The following C2orf92 variants were observed in gnomAD, a reference collection of about 807,000 sequenced individuals.
The protein encoded by C2orf92 is uncharacterized protein C2orf92.
chr2:97,679,565 G>C (rs1675692587), intron 3 of C2orf92, among the ~76,000 whole-genome samples: 1 of 152,120 alleles, frequency 6.6e-6, no homozygotes, highest in Admixed American at 6.6e-5. Flanking sequence ...GTCGAAGCCA[G>C]GCAGGGTGGC....
intron 3 of C2orf92, among the ~76,000 whole-genome samples, chr2:97,682,862 G>A (rs542599057): frequency 2.0e-5 from 3 of 151,888 alleles, no homozygotes; most frequent in Non-Finnish European, 2.9e-5. Flanking sequence ...GGATGATATC[G>A]TGCTCAATGT....
At chr2:97,667,259 CT>C (rs1675262562), upstream of C2orf92, among the ~76,000 whole-genome samples, 2 of 126,722 alleles carry the variant, frequency 1.6e-5, no homozygotes, top group Admixed American at 1.7e-4. Flanking sequence ...ACCTTCAGGT[CT>C]CTTTTTTATT....
chr2:97,667,684 G>A (rs1203243336), upstream of C2orf92, among the ~76,000 whole-genome samples: 1 of 151,908 alleles, frequency 6.6e-6, no homozygotes, highest in Non-Finnish European at 1.5e-5. Context: ...TGCCTGCCTC[G>A]GCCTCCCAAA....
At chr2:97,700,331 G>A (rs72815648) in intron 6 of C2orf92, among the ~76,000 whole-genome samples, 1,820 of 152,288 alleles carry the variant, frequency 0.012, 26 homozygotes, top group Non-Finnish European at 0.017. Flanking sequence ...GGCAGATTGT[G>A]TATGCAGTAC....
chr2:97,666,233 T>C (rs1343674154), upstream of C2orf92, among the ~76,000 whole-genome samples: 1 of 151,210 alleles, frequency 6.6e-6, no homozygotes, highest in Non-Finnish European at 1.5e-5. Flanking sequence ...GAATGTGCCT[T>C]GCTAGTTTTA....
intron 4 of C2orf92, among the ~76,000 whole-genome samples, chr2:97,689,323 G>A (rs1676056561): frequency 6.6e-6 from 1 of 152,194 alleles, no homozygotes; most frequent in Non-Finnish European, 1.5e-5. Context: ...GGAGCCCCCA[G>A]CAGCATCCTA....
At chr2:97,682,977 G>A (rs1179665002) in intron 3 of C2orf92, among the ~76,000 whole-genome samples, 2 of 150,950 alleles carry the variant, frequency 1.3e-5, no homozygotes, top group African/African-American at 2.4e-5. Context: ...GAGTCATTAG[G>A]CAAAAAAAAG....
chr2:97,680,048 C>G (rs1402295778), intron 3 of C2orf92, among the ~76,000 whole-genome samples: 1 of 152,002 alleles, frequency 6.6e-6, no homozygotes, highest in East Asian at 1.9e-4. Flanking sequence ...GCCTGTAAGC[C>G]CAGTACTTTG....
chr2:97,680,920 C>T (rs142621847), intron 3 of C2orf92, among the ~76,000 whole-genome samples: 66 of 150,680 alleles, frequency 4.4e-4, no homozygotes, highest in African/African-American at 1.2e-3. Context: ...AGCGAGACTC[C>T]GTCTCAAAAA....
chr2:97,689,050 T>G (rs1209730426), intron 4 of C2orf92, 57 bp downstream of exon 4: 4 of 398,344 alleles, frequency 1.0e-5, no homozygotes, highest in African/African-American at 8.2e-5. Flanking sequence ...CTATGTGTTG[T>G]CTTAAATGTG....
At chr2:97,676,955 G>A (rs1675604246) in intron 3 of C2orf92, among the ~76,000 whole-genome samples, 1 of 152,230 alleles carries the variant, frequency 6.6e-6, no homozygotes, top group South Asian at 2.1e-4. Context: ...AGATGGTGGG[G>A]TGGGGAGCTC....
Position 97,683,199 on chromosome 2 carries a change from A to G in C2orf92, c.233-5696A>G, listed in dbSNP as rs538650823. On this transcript the variant is annotated intron_variant, in intron 3 of 7. Coordinates refer to ENST00000627399, the MANE Select transcript of C2orf92 (RefSeq NM_001351368.2). ...AAAATCAGCTGTGTTTTTATACACT[A>G]ACGATATATACACTAATAATCCAAA... Among the ~76,000 whole-genome samples, 11 of 152,124 alleles carry G rather than the reference A, an allele frequency of 7.2e-5. No homozygotes were observed. In the East Asian group the frequency reaches 7.7e-4, roughly 11 times the overall value.
intron 6 of C2orf92, among the ~76,000 whole-genome samples, chr2:97,700,154 T>C (rs1184894048): frequency 6.6e-6 from 1 of 152,176 alleles, no homozygotes; most frequent in African/African-American, 2.4e-5. Context: ...TCCTTTGAGA[T>C]CTAGCTAAGA....
chr2:97,690,178 T>C (rs1048808630), intron 4 of C2orf92, 78 bp from the exon 5 acceptor site: 1 of 391,730 alleles, frequency 2.6e-6, no homozygotes, highest in Non-Finnish European at 4.5e-6. Context: ...ATACAAAATA[T>C]GGGCCCAAGG....
rs11894651 is a variant in C2orf92 at position 97,701,308 on chromosome 2, C to T, written c.665+4C>T. 2.5e-6 allele frequency: 1 copy of T among 398,740 alleles called. No homozygotes were observed. Among genetic ancestry groups the T allele is most frequent in the East Asian group, 3.6e-5 (1 of 28,052 alleles). 24.7% of individuals were successfully genotyped at this position (398,740 alleles called of 1,614,324 possible). A position where few individuals can be genotyped will look rare whatever the true frequency, so the allele number is the denominator to read the frequency against. ...ACATCAGGAAGAAACAGCCATCGTG[C>T]GTGGTGCTGGCATAACCTTCCTTCC... is the stretch of plus-strand genomic sequence containing the variant. On this transcript the variant is annotated splice_donor_region_variant and intron_variant, in intron 7 of 7. Coordinates refer to ENST00000627399, the MANE Select transcript of C2orf92 (RefSeq NM_001351368.2).
At chr2:97,695,038 C>T (rs1676267122) in intron 5 of C2orf92, among the ~76,000 whole-genome samples, 1 of 152,212 alleles carries the variant, frequency 6.6e-6, no homozygotes, top group South Asian at 2.1e-4. Flanking sequence ...GGAGTTCTCT[C>T]TATAGTCTGA....
intron 3 of C2orf92, among the ~76,000 whole-genome samples, chr2:97,684,271 G>A (rs1573214413): frequency 6.6e-6 from 1 of 152,004 alleles, no homozygotes; most frequent in Admixed American, 6.6e-5. Flanking sequence ...CCCTGACCTC[G>A]TGATCCGCCC....
chr2:97,684,492 C>G (rs1181810666), intron 3 of C2orf92, among the ~76,000 whole-genome samples: 2 of 152,148 alleles, frequency 1.3e-5, no homozygotes, highest in Admixed American at 6.5e-5. Context: ...GGTCAAAGAT[C>G]TAAATTAATG....
intron 5 of C2orf92, chr2:97,694,622 T>G (rs1362118804): frequency 6.6e-6 from 1 of 152,124 alleles, no homozygotes. Flanking sequence ...CATGTTTTGT[T>G]TACTTACTTA....
Sources: allele counts gnomAD v4.1 joint callset (sites outside exome capture counted in the v4.1 genomes callset), GRCh38; gene constraint gnomAD v4.1.1; transcripts MANE v1.5; gene names NCBI Gene and HGNC (gene_info 2026-07-23, HGNC 2026-07-21).